The following HDAC2 variants were observed in gnomAD, a reference collection of about 807,000 sequenced individuals.
The protein encoded by HDAC2 is YY1-associated factor 1.
HDAC2 carries 5 observed loss-of-function variants against 68.5 expected under a neutral mutation model. That is an observed-to-expected ratio of 0.07 (90% CI 0.04 to 0.15). The LOEUF (loss-of-function observed/expected upper bound fraction) is 0.15. Ranked by LOEUF, HDAC2 falls within the 10% of genes least tolerant of loss-of-function variation. The pLI is 1.00. For missense variants in HDAC2, 291 were observed against 600.8 expected (o/e 0.48, Z 5.39); for synonymous variants, 182 against 191.3 (o/e 0.95, Z 0.40).
intron 3 of HDAC2, 52 bp from the exon 4 acceptor site, chr6:113,956,745 G>T: frequency 7.6e-7 from 1 of 1,321,784 alleles, no homozygotes; most frequent in Non-Finnish European, 1.1e-6. Context: ...ATTAATGAAA[G>T]CCTTTTCTTA....
intron 8 of HDAC2, 180 bp from the exon 9 acceptor site, chr6:113,946,328 C>T (rs1776263055): frequency 2.1e-6 from 1 of 474,694 alleles, no homozygotes; most frequent in African/African-American, 2.0e-5. Flanking sequence ...ACACGTTATA[C>T]AATAATACAT....
At position 113,933,448 on chromosome 6, in the gene HDAC2, G is replaced by T. The variant is rs553449624; in HGVS notation, c.*7610C>A. Reference sequence around the variant, plus strand: ...ATTCTGACTCCTGGACCTGAGATTCGATCCTATCCCATCCCATCTTATCCC... The same window carrying T: ...ATTCTGACTCCTGGACCTGAGATTCTATCCTATCCCATCCCATCTTATCCC... On this transcript the variant is annotated 3_prime_UTR_variant, in exon 14 of 14. Transcript: ENST00000519065. 1 of 151,814 alleles carries T rather than the reference G, an allele frequency of 6.6e-6. No homozygotes were observed. Among genetic ancestry groups the T allele is most frequent in the South Asian group, 2.1e-4 (1 of 4,800 alleles). The allele number at this position is 151,814 out of a possible 1,614,324, so 9.4% of individuals were successfully genotyped here. A position where few individuals can be genotyped will look rare whatever the true frequency, so the allele number is the denominator to read the frequency against.
chr6:113,970,523 C>T, intron 1 of HDAC2: 1 of 1,193,296 alleles, frequency 8.4e-7, no homozygotes, highest in Non-Finnish European at 1.0e-6. Flanking sequence ...AGAGAATGGG[C>T]CGCCCCCTTC....
chr6:113,954,472 C>T (rs949531428), intron 5 of HDAC2, among the ~76,000 whole-genome samples: 1 of 152,046 alleles, frequency 6.6e-6, no homozygotes, highest in East Asian at 1.9e-4. Context: ...AAGCTGTGCA[C>T]CAAGTCAATT....
chr6:113,962,705 CG>C lies in HDAC2; in HGVS notation c.53-2688del, dbSNP rs1330554994. Among the ~76,000 whole-genome samples, 3 of 152,022 alleles carry C rather than the reference CG, an allele frequency of 2.0e-5. No individual in the cohort carries two copies. The East Asian group carries it at 5.8e-4, about 30-fold the overall frequency. On this transcript the variant is annotated intron_variant, in intron 1 of 13. Coordinates refer to ENST00000519065, the MANE Select transcript of HDAC2 (RefSeq NM_001527.4). ...CTAGCTGGGCGTGGAGGCTCACACC[CG>C]TAATCCCAGTACTTCGGGAGGCCGA...
Position 113,946,069 on chromosome 6 carries a change from A to G in HDAC2, c.921T>C (p.Arg307=). The part of the protein sequence containing the change: ...LMLGGGGYTI[R]NVARCWTYET... ...CATATGTCCAACATCGAGCAACATT[A>G]CGGATTGTGTAGCCACCTCCTCCAA... The change falls in exon 9 of 14, where the codon CGT becomes CGC. Residue 307 remains arginine, a synonymous_variant. Coordinates refer to ENST00000519065, the MANE Select transcript of HDAC2 (RefSeq NM_001527.4). 1 of 1,613,266 alleles carries G rather than the reference A, an allele frequency of 6.2e-7. No individual in the cohort carries two copies. Among genetic ancestry groups the G allele is most frequent in the South Asian group, 1.1e-5 (1 of 91,068 alleles).
At chr6:113,951,531 G>A (rs1232572814) in intron 6 of HDAC2, among the ~76,000 whole-genome samples, 7 of 147,912 alleles carry the variant, frequency 4.7e-5, no homozygotes, top group South Asian at 2.1e-4. Flanking sequence ...GCAGTGGAGC[G>A]ATCTCGGCTC....
chr6:113,970,528 C>T (rs1423677932), intron 1 of HDAC2: 2 of 1,200,252 alleles, frequency 1.7e-6, no homozygotes, highest in African/African-American at 3.4e-5. Flanking sequence ...ATGGGCCGCC[C>T]CCTTCGCCGC....
Position 113,938,265 on chromosome 6 carries a change from GTATT to G in HDAC2, c.*2789_*2792del, listed in dbSNP as rs1484216952. 1 of 152,160 alleles carries G rather than the reference GTATT, an allele frequency of 6.6e-6. No individual in the cohort carries two copies. Among genetic ancestry groups the G allele is most frequent in the Admixed American group, 6.5e-5 (1 of 15,270 alleles). 9.4% of individuals were successfully genotyped at this position (152,160 alleles called of 1,614,324 possible). On this transcript the variant is annotated 3_prime_UTR_variant, in exon 14 of 14. Coordinates refer to ENST00000519065, the MANE Select transcript of HDAC2 (RefSeq NM_001527.4). ...TTTCATATTTACAAACTATTTATAT[GTATT>G]TGTTTCCCAGTTCACATCCTTATAC... is the stretch of plus-strand genomic sequence containing the variant.
Position 113,941,748 on chromosome 6 carries a change from T to C in HDAC2, c.1396A>G (p.Lys466Glu). 3 of 1,432,734 alleles carry C rather than the reference T, an allele frequency of 2.1e-6. No homozygotes were observed. Among genetic ancestry groups the C allele is most frequent in the South Asian group, 1.3e-5 (1 of 75,164 alleles). The allele number at this position is 1,432,734 out of a possible 1,614,324, so 88.8% of individuals were successfully genotyped here. ...TTTTCACCACTGTTGTCCTTGGATT[T>C]ATCTTCTTCCTTAACGTCTAAAAAT... ...DKKTDVKEEDKSKDNSGEKTD... is the reference protein window; with the variant it reads ...DKKTDVKEEDESKDNSGEKTD... Residue 466 changes from lysine to glutamate, a missense_variant, in exon 13 of 14, where the codon AAA becomes GAA. Physicochemically the swap from Lys to Glu is moderately conservative, Grantham distance 56 (BLOSUM62 1). Coordinates refer to ENST00000519065, the MANE Select transcript of HDAC2 (RefSeq NM_001527.4).
chr6:113,957,255 G>A (rs1372340785), intron 3 of HDAC2: 2 of 152,866 alleles, frequency 1.3e-5, no homozygotes, highest in South Asian at 2.1e-4. Flanking sequence ...AAGACAACAA[G>A]GAAAACATTT....
At chr6:113,941,172 T>A in intron 13 of HDAC2, 84 bp from the exon 14 acceptor site, 1 of 959,904 alleles carries the variant, frequency 1.0e-6, no homozygotes, top group Non-Finnish European at 1.6e-6. Flanking sequence ...TCAGGTCCTG[T>A]AGGCTCATGC....
intron 1 of HDAC2, among the ~76,000 whole-genome samples, chr6:113,966,060 T>C (rs1373988123): frequency 6.6e-6 from 1 of 152,170 alleles, no homozygotes; most frequent in Non-Finnish European, 1.5e-5. Flanking sequence ...AGATTCCGGA[T>C]GTTGAACTCT....
rs1175011597 is a variant in HDAC2 at position 113,933,637 on chromosome 6, C to T, written c.*7421G>A. ...TTTATGTGTTAGGCACTGTTCTAGA[C>T]ACTGGAGATTAATCCCCAGTGGAGT... On this transcript the variant is annotated 3_prime_UTR_variant, in exon 14 of 14. Transcript: ENST00000519065. 1 of 151,902 alleles carries T rather than the reference C, an allele frequency of 6.6e-6. No individual in the cohort carries two copies. Among genetic ancestry groups the T allele is most frequent in the East Asian group, 1.9e-4 (1 of 5,172 alleles). 9.4% of individuals were successfully genotyped at this position (151,902 alleles called of 1,614,324 possible). A position where few individuals can be genotyped will look rare whatever the true frequency, so the allele number is the denominator to read the frequency against.
At chr6:113,947,082 C>A (rs969107456) in intron 8 of HDAC2, 4 of 152,062 alleles carry the variant, frequency 2.6e-5, no homozygotes, top group Admixed American at 2.6e-4. Flanking sequence ...TTACATAATT[C>A]TAGCACTCAA....
At chr6:113,955,923 C>T in intron 5 of HDAC2, 90 bp downstream of exon 5, 3 of 878,308 alleles carry the variant, frequency 3.4e-6, no homozygotes, top group South Asian at 4.5e-5. Flanking sequence ...TATGGTTTAC[C>T]TAATATTTTT....
chr6:113,945,567 A>G, intron 9 of HDAC2, 97 bp from the exon 10 acceptor site: 1 of 729,316 alleles, frequency 1.4e-6, no homozygotes, highest in South Asian at 1.5e-5. Flanking sequence ...ATATTTCCTA[A>G]GAAAATGTTT....
chr6:113,960,848 A>T (rs1182033739), intron 1 of HDAC2, among the ~76,000 whole-genome samples: 3 of 152,102 alleles, frequency 2.0e-5, no homozygotes, highest in Admixed American at 6.5e-5. Context: ...CTGCAGACTG[A>T]AAATATTTTT....
At chr6:113,952,811 C>T (rs1776451797) in intron 6 of HDAC2, among the ~76,000 whole-genome samples, 1 of 151,842 alleles carries the variant, frequency 6.6e-6, no homozygotes, top group African/African-American at 2.4e-5. Context: ...CTTTCTCTAC[C>T]TAAATACATT....
Sources: allele counts gnomAD v4.1 joint callset (sites outside exome capture counted in the v4.1 genomes callset), GRCh38; gene constraint gnomAD v4.1.1; transcripts MANE v1.5; gene names NCBI Gene and HGNC (gene_info 2026-07-23, HGNC 2026-07-21).